The following DCDC2 variants were observed in gnomAD, a reference collection of about 807,000 sequenced individuals.
DCDC2 encodes the protein doublecortin domain containing 2.
A neutral mutation model predicts 50.2 loss-of-function variants in DCDC2; 40 were observed. That is an observed-to-expected ratio of 0.80 (90% confidence interval 0.62 to 1.04). The LOEUF (loss-of-function observed/expected upper bound fraction) is 1.04, where lower values mean the gene tolerates loss of function less well. Among genes scored for constraint, DCDC2 ranks in the 50% least tolerant of loss-of-function variants. The probability of loss-of-function intolerance (pLI) is 0.00; values close to 1 mark genes in which losing one functional copy is unlikely to be tolerated. For missense variants in DCDC2, 570 were observed against 581.9 expected (o/e 0.98, Z 0.21); for synonymous variants, 234 against 210.6 (o/e 1.11, Z -0.96).
intron 7 of DCDC2, among the ~76,000 whole-genome samples, chr6:24,273,408 AC>A (rs1581624462): frequency 6.6e-6 from 1 of 152,326 alleles, no homozygotes; most frequent in East Asian, 1.9e-4. Context: ...ACAAAATTGC[AC>A]TTGTATCCCT....
chr6:24,310,103 A>G (rs142307365), intron 2 of DCDC2, among the ~76,000 whole-genome samples: 133 of 152,352 alleles, frequency 8.7e-4, no homozygotes, highest in African/African-American at 3.1e-3. Context: ...GAAACATAAT[A>G]TCCATTTTCT....
the DCDC2 span, among the ~76,000 whole-genome samples, chr6:24,379,562 A>G: frequency 6.6e-6 from 1 of 152,236 alleles, no homozygotes; most frequent in Admixed American, 6.5e-5. Context: ...GAGGATGTGG[A>G]GAAATAGGAA....
At chr6:24,291,762 G>A (rs1763757654) in intron 4 of DCDC2, among the ~76,000 whole-genome samples, 1 of 152,028 alleles carries the variant, frequency 6.6e-6, no homozygotes, top group African/African-American at 2.4e-5. Context: ...TGGGATTACA[G>A]GCATGAGCCA....
Position 24,298,496 on chromosome 6 carries a change from C to G in DCDC2, c.557+3219G>C, listed in dbSNP as rs1477706437. ...ATGCCTACTAGGCTTGAATCCCAGC[C>G]CTGCTACTCAGTATCTCCATAACCC... On this transcript the variant is annotated intron_variant, in intron 4 of 9. Coordinates refer to ENST00000378454, the MANE Select transcript of DCDC2 (RefSeq NM_016356.5). Among the ~76,000 whole-genome samples, 3 of 152,224 alleles carry G rather than the reference C, an allele frequency of 2.0e-5. No homozygotes were observed. In the South Asian group the frequency reaches 6.2e-4, roughly 32 times the overall value.
chr6:24,208,752 C>T (rs772154185), intron 7 of DCDC2, among the ~76,000 whole-genome samples: 4 of 152,078 alleles, frequency 2.6e-5, no homozygotes, highest in Non-Finnish European at 5.9e-5. Context: ...CCAATTCTGC[C>T]CCCTTCCCTG....
chr6:24,362,246 G>T (rs940285886), upstream of DCDC2, among the ~76,000 whole-genome samples: 7 of 146,708 alleles, frequency 4.8e-5, no homozygotes, highest in South Asian at 2.2e-4. Flanking sequence ...TTATTTAATT[G>T]TATATTTATA....
At chr6:24,285,693 A>G (rs920112914) in intron 6 of DCDC2, among the ~76,000 whole-genome samples, 2 of 152,172 alleles carry the variant, frequency 1.3e-5, no homozygotes, top group Admixed American at 6.5e-5. Context: ...GTACCTACAC[A>G]TGCATTTTAA....
At chr6:24,300,200 G>A (rs1255987172) in intron 4 of DCDC2, among the ~76,000 whole-genome samples, 4 of 151,690 alleles carry the variant, frequency 2.6e-5, no homozygotes, top group African/African-American at 4.8e-5. Context: ...GACCAGCTTG[G>A]GCAACATGAC....
intron 6 of DCDC2, among the ~76,000 whole-genome samples, chr6:24,283,424 C>A (rs545664018): frequency 9.6e-5 from 13 of 135,280 alleles, no homozygotes; most frequent in Admixed American, 2.9e-4. Flanking sequence ...TACACTATGG[C>A]AGCTGCTTTC....
intron 7 of DCDC2, among the ~76,000 whole-genome samples, chr6:24,220,899 C>CGAGAGAGACAGAGAGAGA (rs71002476): frequency 8.6e-6 from 1 of 115,752 alleles, no homozygotes; most frequent in Admixed American, 8.4e-5. Context: ...AGTGAGCGAG[C>CGAGAGAGACAGAGAGAGA]GAGCGAGAGA....
At chr6:24,366,858 T>C in the DCDC2 span, among the ~76,000 whole-genome samples, 1 of 152,292 alleles carries the variant, frequency 6.6e-6, no homozygotes, top group Admixed American at 6.5e-5. Context: ...TCTTTTTTTT[T>C]TTCTTTAGAA....
At chr6:24,247,289 G>T (rs1165058455) in intron 7 of DCDC2, among the ~76,000 whole-genome samples, 1 of 151,922 alleles carries the variant, frequency 6.6e-6, no homozygotes, top group African/African-American at 2.4e-5. Flanking sequence ...CAGTGATAGA[G>T]CAAGACCTTG....
intron 8 of DCDC2, 106 bp from the exon 9 acceptor site, chr6:24,178,738 CT>C: frequency 2.6e-6 from 3 of 1,153,046 alleles, no homozygotes; most frequent in Non-Finnish European, 3.7e-6. Context: ...GTAAAACATT[CT>C]TACATTTGCA....
chr6:24,318,780 C>CGCGTGTGTGTGT (rs140618484), intron 2 of DCDC2, among the ~76,000 whole-genome samples: 1 of 149,558 alleles, frequency 6.7e-6, no homozygotes, highest in Admixed American at 6.7e-5. Flanking sequence ...TATATACGTA[C>CGCGTGTGTGTGT]GTGTGTGTGT....
At chr6:24,200,459 G>A (rs1203046238) in intron 8 of DCDC2, among the ~76,000 whole-genome samples, 4 of 152,156 alleles carry the variant, frequency 2.6e-5, no homozygotes, top group Non-Finnish European at 5.9e-5. Context: ...AGTAAATCCT[G>A]AGAGACTTTT....
At chr6:24,358,545 C>T (rs1051969266), upstream of DCDC2, among the ~76,000 whole-genome samples, 14 of 134,946 alleles carry the variant, frequency 1.0e-4, no homozygotes, top group Non-Finnish European at 2.2e-4. Context: ...AGTAGGTGGG[C>T]AGGGTATTCG....
At chr6:24,268,249 G>T (rs1461762244) in intron 7 of DCDC2, among the ~76,000 whole-genome samples, 1 of 152,190 alleles carries the variant, frequency 6.6e-6, no homozygotes, top group Non-Finnish European at 1.5e-5. Context: ...CACTTTGGGA[G>T]GCTGAGGCAG....
chr6:24,316,863 T>C (rs1227254073), intron 2 of DCDC2, among the ~76,000 whole-genome samples: 4 of 151,836 alleles, frequency 2.6e-5, no homozygotes, highest in African/African-American at 9.7e-5. Context: ...TCAAAAATGA[T>C]GACAAAGACG....
At chr6:24,334,820 G>C (rs1296258183) in intron 2 of DCDC2, among the ~76,000 whole-genome samples, 1 of 152,178 alleles carries the variant, frequency 6.6e-6, no homozygotes, top group Non-Finnish European at 1.5e-5. Context: ...GACCAGACAT[G>C]CTGGTGGAAG....
Sources: allele counts gnomAD v4.1 joint callset (sites outside exome capture counted in the v4.1 genomes callset), GRCh38; gene constraint gnomAD v4.1.1; transcripts MANE v1.5; gene names NCBI Gene and HGNC (gene_info 2026-07-23, HGNC 2026-07-21).